Variants in SLC4A10 observed in about 807,000 individuals in gnomAD.
The protein encoded by SLC4A10 is solute carrier family 4 member 10.
A neutral mutation model predicts 137.7 loss-of-function variants in SLC4A10; 42 were observed. The observed-to-expected ratio is 0.30, with a 90% CI of 0.24 to 0.39. The LOEUF (loss-of-function observed/expected upper bound fraction) is 0.39, where lower values mean the gene tolerates loss of function less well. SLC4A10 is among the 10% of genes least tolerant of loss of function. The pLI is 1.00. For missense variants in SLC4A10, 925 were observed against 1,355.0 expected (o/e 0.68, Z 4.98); for synonymous variants, 474 against 464.1 (o/e 1.02, Z -0.27).
At chr2:161,846,102 T>A (rs2059475973) in intron 4 of SLC4A10, among the ~76,000 whole-genome samples, 1 of 152,070 alleles carries the variant, frequency 6.6e-6, no homozygotes. Context: ...ATGTAGAACA[T>A]ATAAAGAACT....
At chr2:161,977,884 T>C (rs1289320570) in intron 26 of SLC4A10, 124 bp downstream of exon 26, 10 of 763,902 alleles carry the variant, frequency 1.3e-5, no homozygotes, top group Non-Finnish European at 2.0e-5. Context: ...GCATGGAGAG[T>C]GTTGGGCTCA....
chr2:161,802,750 T>G (rs2055509942), intron 2 of SLC4A10, among the ~76,000 whole-genome samples: 1 of 152,148 alleles, frequency 6.6e-6, no homozygotes, highest in Admixed American at 6.6e-5. Context: ...CTCTTGGCTT[T>G]AGGTGGTTAC....
chr2:161,967,260 G>A (rs1697764160), intron 23 of SLC4A10, among the ~76,000 whole-genome samples: 1 of 151,958 alleles, frequency 6.6e-6, no homozygotes. Context: ...AGTGAATGTG[G>A]GTGTGTGTGT....
chr2:161,881,303 A>G (rs978451504), intron 9 of SLC4A10, among the ~76,000 whole-genome samples: 1 of 152,064 alleles, frequency 6.6e-6, no homozygotes, highest in African/African-American at 2.4e-5. Flanking sequence ...TTAAAAAGCT[A>G]TTATAGTTGA....
intron 3 of SLC4A10, among the ~76,000 whole-genome samples, chr2:161,811,616 T>A (rs55633070): frequency 6.6e-6 from 1 of 152,034 alleles, no homozygotes; most frequent in African/African-American, 2.4e-5. Flanking sequence ...CTTCGCCTTC[T>A]TCATCATTCT....
At chr2:161,772,820 T>C (rs927089366) in intron 2 of SLC4A10, among the ~76,000 whole-genome samples, 6 of 151,914 alleles carry the variant, frequency 3.9e-5, no homozygotes, top group Non-Finnish European at 8.8e-5. Flanking sequence ...AATCTAGCAT[T>C]TGAAGATGCT....
chr2:161,924,443 C>G (rs1007252352), intron 15 of SLC4A10, among the ~76,000 whole-genome samples: 15 of 151,728 alleles, frequency 9.9e-5, no homozygotes, highest in African/African-American at 3.6e-4. Flanking sequence ...GGTGCAGACT[C>G]AAGAAAGAAC....
chr2:161,966,453 T>A (rs1019406816), intron 23 of SLC4A10, among the ~76,000 whole-genome samples: 9 of 152,140 alleles, frequency 5.9e-5, no homozygotes, highest in East Asian at 1.9e-4. Context: ...AGTGCTTTTT[T>A]AAAAAATAAT....
chr2:161,632,855 A>G (rs2033809124), intron 1 of SLC4A10, among the ~76,000 whole-genome samples: 1 of 151,756 alleles, frequency 6.6e-6, no homozygotes, highest in South Asian at 2.1e-4. Context: ...ATATTTTTAA[A>G]TTATTTTAAC....
chr2:161,938,517 A>AT (rs1183171620), intron 15 of SLC4A10, among the ~76,000 whole-genome samples: 48 of 151,222 alleles, frequency 3.2e-4, no homozygotes, highest in Admixed American at 3.0e-3. Flanking sequence ...TATAGATTAT[A>AT]CATTATTATC....
chr2:161,975,014 G>C (rs1022432548), intron 24 of SLC4A10, among the ~76,000 whole-genome samples: 1 of 151,890 alleles, frequency 6.6e-6, no homozygotes, highest in Admixed American at 6.6e-5. Flanking sequence ...ATAATTTAAG[G>C]TTATGCCAAT....
At chr2:161,808,543 A>G (rs2056231538) in intron 3 of SLC4A10, among the ~76,000 whole-genome samples, 1 of 152,052 alleles carries the variant, frequency 6.6e-6, no homozygotes, top group Admixed American at 6.6e-5. Context: ...CACAGAGTAT[A>G]GTTTTACAAC....
chr2:161,786,302 C>A (rs1293148887), intron 2 of SLC4A10, among the ~76,000 whole-genome samples: 5 of 151,560 alleles, frequency 3.3e-5, no homozygotes, highest in Non-Finnish European at 2.9e-5. Context: ...TTACTTTGAG[C>A]CTGTGGGTGT....
chr2:161,720,000 T>C (rs1490332674), intron 1 of SLC4A10, among the ~76,000 whole-genome samples: 1 of 152,154 alleles, frequency 6.6e-6, no homozygotes, highest in African/African-American at 2.4e-5. Flanking sequence ...AATGCCTAGG[T>C]TTTCTTCTAG....
At chr2:161,639,120 A>G (rs1182854624) in intron 1 of SLC4A10, among the ~76,000 whole-genome samples, 1 of 152,140 alleles carries the variant, frequency 6.6e-6, no homozygotes, top group Non-Finnish European at 1.5e-5. Context: ...ACAAGTAATG[A>G]GATTGAATCA....
intron 4 of SLC4A10, among the ~76,000 whole-genome samples, chr2:161,841,514 T>C (rs1248969229): frequency 2.0e-5 from 3 of 152,240 alleles, no homozygotes; most frequent in Non-Finnish European, 2.9e-5. Context: ...AGTAATTCCA[T>C]TGGATCATGT....
intron 1 of SLC4A10, among the ~76,000 whole-genome samples, chr2:161,717,801 C>G (rs1188436706): frequency 1.3e-5 from 2 of 152,076 alleles, no homozygotes; most frequent in African/African-American, 4.8e-5. Context: ...ATGACGCTGG[C>G]CTCATAAAAT....
At chr2:161,816,656 T>A (rs1211902747) in intron 3 of SLC4A10, among the ~76,000 whole-genome samples, 57 of 115,238 alleles carry the variant, frequency 4.9e-4, no homozygotes, top group Admixed American at 1.3e-3. Flanking sequence ...CAGTCCCCAG[T>A]GTGTGATGTT....
intron 1 of SLC4A10, among the ~76,000 whole-genome samples, chr2:161,738,186 T>C (rs1475281378): frequency 2.0e-5 from 3 of 152,200 alleles, no homozygotes; most frequent in Non-Finnish European, 2.9e-5. Flanking sequence ...AAGAAACCAA[T>C]GGACAAAATG....
Sources: gnomAD v4.1 joint callset for allele counts (sites outside exome capture counted in the v4.1 genomes callset) on GRCh38, gnomAD v4.1.1 for gene constraint, MANE v1.5 for transcripts, NCBI Gene and HGNC (gene_info 2026-07-23, HGNC 2026-07-21) for gene names.